FGF23: variants seen among roughly 807,000 people sequenced by gnomAD.
The protein encoded by FGF23 is fibroblast growth factor 23.
FGF23 carries 8 observed loss-of-function variants against 9.0 expected under a neutral mutation model. The ratio of observed to expected loss-of-function variants is 0.89; its 90% CI spans 0.52 to 1.60. FGF23 has a LOEUF of 1.60. Ranked by LOEUF, FGF23 falls within the 40% of genes most tolerant of loss-of-function variation. FGF23 has a pLI of 0.00. For missense variants in FGF23, 311 were observed against 344.3 expected (o/e 0.90, Z 0.77); for synonymous variants, 118 against 146.2 (o/e 0.81, Z 1.39).
At chr12:4,376,925 A>T (rs1393749452) in intron 1 of FGF23, among the ~76,000 whole-genome samples, 1 of 152,088 alleles carries the variant, frequency 6.6e-6, no homozygotes, top group Non-Finnish European at 1.5e-5. Context: ...ATCTACATAG[A>T]CTAGGAAAAG....
chr12:4,374,525 C>A (rs1865096197), intron 1 of FGF23, among the ~76,000 whole-genome samples: 1 of 151,864 alleles, frequency 6.6e-6, no homozygotes, highest in Admixed American at 6.6e-5. Flanking sequence ...TGGTGGGCAC[C>A]TGTAGTCCCA....
intron 1 of FGF23, among the ~76,000 whole-genome samples, chr12:4,375,392 C>T (rs1388236050): frequency 1.3e-5 from 2 of 152,122 alleles, no homozygotes; most frequent in South Asian, 2.1e-4. Flanking sequence ...GAAGCTGCTA[C>T]GGAGGGCACA....
At chr12:4,378,749 GA>G (rs1865145520) in intron 1 of FGF23, among the ~76,000 whole-genome samples, 1 of 151,982 alleles carries the variant, frequency 6.6e-6, no homozygotes, top group African/African-American at 2.4e-5. Flanking sequence ...TGGATGGATG[GA>G]TGGATGGATG....
At chr12:4,374,774 A>G (rs1244167691) in intron 1 of FGF23, among the ~76,000 whole-genome samples, 2 of 152,224 alleles carry the variant, frequency 1.3e-5, no homozygotes, top group African/African-American at 4.8e-5. Flanking sequence ...TAAATTCTCA[A>G]AACAAATTTT....
At chr12:4,374,261 GA>G (rs1425870903) in intron 1 of FGF23, among the ~76,000 whole-genome samples, 1 of 152,184 alleles carries the variant, frequency 6.6e-6, no homozygotes, top group African/African-American at 2.4e-5. Flanking sequence ...AGGCGCAAAG[GA>G]TGCTTAAATT....
chr12:4,369,790 G>T lies in FGF23; in HGVS notation c.*553C>A, dbSNP rs80210924. The T allele has an allele frequency of 1.4e-3, 324 of 229,952 alleles. 4 individuals are homozygous for T. The East Asian group carries it at 0.016, about 11-fold the overall frequency. The allele number at this position is 229,952 out of a possible 1,614,324, so 14.2% of individuals were successfully genotyped here. A position where few individuals can be genotyped will look rare whatever the true frequency, so the allele number is the denominator to read the frequency against. ...CAGAGATGCTCAAGGAAGAACGAAG[G>T]CTTGAAAGTAGTGTTTTCATCAACT... On this transcript the variant is annotated 3_prime_UTR_variant, in exon 3 of 3. Transcript: ENST00000237837.
intron 1 of FGF23, among the ~76,000 whole-genome samples, chr12:4,373,509 T>C (rs1865085151): frequency 6.6e-6 from 1 of 152,210 alleles, no homozygotes; most frequent in African/African-American, 2.4e-5. Flanking sequence ...TTCTTGGCTC[T>C]TCTTGGGTTG....
At chr12:4,372,005 G>A (rs921666234) in intron 2 of FGF23, among the ~76,000 whole-genome samples, 1 of 151,800 alleles carries the variant, frequency 6.6e-6, no homozygotes, top group African/African-American at 2.4e-5. Context: ...CATAAAAAAT[G>A]ATGAGTTCAT....
At position 4,379,675 on chromosome 12, in the gene FGF23, C is replaced by T. The variant is rs1591675668; in HGVS notation, c.-93G>A. The T allele has an allele frequency of 9.2e-7, 1 of 1,081,244 alleles. No individual in the cohort carries two copies. The highest frequency in any genetic ancestry group is 1.4e-6 in the Non-Finnish European group (1 of 732,466). 67.0% of individuals were successfully genotyped at this position (1,081,244 alleles called of 1,614,324 possible). A position where few individuals can be genotyped will look rare whatever the true frequency, so the allele number is the denominator to read the frequency against. On this transcript the variant is annotated 5_prime_UTR_variant, in exon 1 of 3. Transcript: ENST00000237837. ...CAGGCCTTACTGGCCTTTTCCTTCT[C>T]CCTTGCAAGTAGCTGGTGTGAGGAT...
chr12:4,375,421 A>G (rs1477192413), intron 1 of FGF23, among the ~76,000 whole-genome samples: 1 of 152,226 alleles, frequency 6.6e-6, no homozygotes, highest in Non-Finnish European at 1.5e-5. Context: ...TCCATCAAAC[A>G]GTGTGAGCCA....
At chr12:4,373,632 A>G (rs1182274754) in intron 1 of FGF23, among the ~76,000 whole-genome samples, 2 of 152,124 alleles carry the variant, frequency 1.3e-5, no homozygotes, top group Non-Finnish European at 2.9e-5. Flanking sequence ...ACCCATTCAC[A>G]CGACCTACCT....
chr12:4,371,412 A>T (rs1188107520), intron 2 of FGF23, among the ~76,000 whole-genome samples: 1 of 152,180 alleles, frequency 6.6e-6, no homozygotes, highest in African/African-American at 2.4e-5. Context: ...ATAGTGGTTC[A>T]ACAGATTTTT....
Position 4,368,440 on chromosome 12 carries a change from A to T in FGF23, c.*1903T>A. On this transcript the variant is annotated 3_prime_UTR_variant, in exon 3 of 3. Transcript: ENST00000237837. ...GCTTTTAAGTAGTACTACAAAGAGG[A>T]TAAGCTAACAGAAGCTGAGATAAAT... 1 of 183,094 alleles carries T rather than the reference A, an allele frequency of 5.5e-6. No individual in the cohort carries two copies. Among genetic ancestry groups the T allele is most frequent in the Non-Finnish European group, 1.2e-5 (1 of 86,184 alleles). 11.3% of individuals were successfully genotyped at this position (183,094 alleles called of 1,614,324 possible).
At chr12:4,371,289 T>A (rs891917879) in intron 2 of FGF23, among the ~76,000 whole-genome samples, 1 of 152,242 alleles carries the variant, frequency 6.6e-6, no homozygotes, top group African/African-American at 2.4e-5. Flanking sequence ...ACGAAGGCCT[T>A]TGCCTGTTAT....
intron 1 of FGF23, among the ~76,000 whole-genome samples, chr12:4,375,176 G>T (rs1245660351): frequency 6.6e-6 from 1 of 152,198 alleles, no homozygotes; most frequent in African/African-American, 2.4e-5. Flanking sequence ...AGGGGATAAT[G>T]GTGGTAAAAG....
chr12:4,373,754 A>G (rs1262740371), intron 1 of FGF23, among the ~76,000 whole-genome samples: 1 of 152,212 alleles, frequency 6.6e-6, no homozygotes, highest in Non-Finnish European at 1.5e-5. Flanking sequence ...CCCACATGTT[A>G]TTTAATTACC....
chr12:4,370,568 G>A lies in FGF23; in HGVS notation c.531C>T (p.His177=), dbSNP rs759288956. ...IHFNTPIPRR[H]TRSAEDDSER... ...CCGAGTCGTCCTCGGCGCTCCGGGT[G>A]TGCCGCCGTGGTATGGGGGTGTTGA... is the stretch of plus-strand genomic sequence containing the variant. Residue 177 remains histidine, a synonymous_variant, in exon 3 of 3, where the codon CAC becomes CAT. Transcript: ENST00000237837. 3.1e-6 allele frequency: 5 copies of A among 1,613,872 alleles called. No homozygotes were observed. The African/African-American group carries it at 5.3e-5, about 17-fold the overall frequency.
rs183357688 is a variant in FGF23 at position 4,370,640 on chromosome 12, C to T, written c.459G>A (p.Pro153=). The change falls in exon 3 of 3, where the codon CCG becomes CCA. Residue 153 remains proline (P), a synonymous_variant. Coordinates refer to ENST00000237837, the MANE Select transcript of FGF23 (RefSeq NM_020638.3). ...TCCTCCGGGACAGGAACTGGGAGTA[C>T]GGGGGTGGGTTCATGCCTGGCAGGA... ...RAFLPGMNPP[P]YSQFLSRRNE... is the part of the protein sequence containing the mutation. The T allele has an allele frequency of 6.8e-6, 11 of 1,613,978 alleles. No individual in the cohort carries two copies. Among genetic ancestry groups the T allele is most frequent in the Admixed American group, 5.0e-5 (3 of 60,018 alleles).
intron 1 of FGF23, among the ~76,000 whole-genome samples, chr12:4,378,906 G>C (rs1865147319): frequency 6.6e-6 from 1 of 152,130 alleles, no homozygotes; most frequent in Non-Finnish European, 1.5e-5. Context: ...AGAGCCCCCA[G>C]ATTTATCTAT....
Sources: allele counts gnomAD v4.1 joint callset (sites outside exome capture counted in the v4.1 genomes callset), GRCh38; gene constraint gnomAD v4.1.1; transcripts MANE v1.5; gene names NCBI Gene and HGNC (gene_info 2026-07-23, HGNC 2026-07-21).